ALG1: variants seen among roughly 807,000 people sequenced by gnomAD.
ALG1 encodes the protein ALG1 chitobiosyldiphosphodolichol beta-mannosyltransferase.
ALG1 carries 58 observed loss-of-function variants against 55.1 expected under a neutral mutation model. The observed-to-expected ratio is 1.05, with a 90% CI of 0.85 to 1.31. The LOEUF (loss-of-function observed/expected upper bound fraction) is 1.31, where lower values mean the gene tolerates loss of function less well. ALG1 is among the 50% of genes most tolerant of loss of function. ALG1 has a pLI of 0.00. For synonymous variants in ALG1, 309 were observed against 247.0 expected, an observed-to-expected ratio of 1.25 and a Z score of -2.35; for missense variants, 761 against 598.6, an observed-to-expected ratio of 1.27 and a Z score of -2.83.
Position 5,078,034 on chromosome 16 carries a change from C to T in ALG1, c.740+17C>T. 2.5e-6 allele frequency: 4 copies of T among 1,596,916 alleles called. No individual in the cohort carries two copies. Among genetic ancestry groups the T allele is most frequent in the South Asian group, 2.2e-5 (2 of 90,970 alleles). On this transcript the variant is annotated intron_variant, in intron 6 of 12. Transcript: ENST00000262374. ...CAGGGCCCGGTAGGCCTCCCATCCT[C>T]AGCTGCCTTCTCTCCTGCTCGCCAC...
chr16:5,080,130 C>T (rs190266602), intron 9 of ALG1, among the ~76,000 whole-genome samples: 139 of 144,586 alleles, frequency 9.6e-4, no homozygotes, highest in African/African-American at 1.6e-3. Context: ...TGCAGTGGTG[C>T]GATCTCGGCT....
chr16:5,072,086 A>T lies in ALG1; in HGVS notation c.208+29A>T, dbSNP rs543162272. On this transcript the variant is annotated intron_variant, in intron 1 of 12. Coordinates refer to ENST00000262374, the MANE Select transcript of ALG1 (RefSeq NM_019109.5). ...AGTGGCCAAGGGTCTGGGAGGGACGATGCTCTCTCAGCCGTTGATCCTCGG... is the reference window on the plus strand; with the variant it reads ...AGTGGCCAAGGGTCTGGGAGGGACGTTGCTCTCTCAGCCGTTGATCCTCGG... The T allele has an allele frequency of 3.2e-6, 5 of 1,552,852 alleles. No homozygotes were observed. In the African/African-American group the frequency reaches 6.8e-5, roughly 21 times the overall value.
rs1000237447 is a variant in ALG1, at chr16:5,085,833, T to G, written c.*952T>G. The G allele has an allele frequency of 2.2e-6, 2 of 928,560 alleles. No homozygotes were observed. Among genetic ancestry groups the G allele is most frequent in the African/African-American group, 1.6e-5 (1 of 61,098 alleles). 57.5% of individuals were successfully genotyped at this position (928,560 alleles called of 1,614,324 possible). On this transcript the variant is annotated 3_prime_UTR_variant, in exon 13 of 13. Transcript: ENST00000262374. ...GGACAGGCCTGGCGGGGTAGGGGGG[T>G]GTCCAAGTCAGTTTACTTGGTTCAC...
rs1956958456 is a variant in ALG1, at chr16:5,078,672, C to G, written c.741-85C>G. On this transcript the variant is annotated intron_variant, in intron 6 of 12. Coordinates refer to ENST00000262374, the MANE Select transcript of ALG1 (RefSeq NM_019109.5). ...GGGCACCCCAACCTCTGGGAGCCTG[C>G]AGGCCTCGCCACGGCAGGAGATGCC... The G allele has an allele frequency of 1.9e-6, 3 of 1,610,576 alleles. No homozygotes were observed. In the African/African-American group the frequency reaches 4.0e-5, roughly 22 times the overall value.
chr16:5,082,309 T>C (rs769340401), intron 10 of ALG1, among the ~76,000 whole-genome samples: 3 of 150,912 alleles, frequency 2.0e-5, no homozygotes, highest in Non-Finnish European at 3.0e-5. Context: ...TGAGACTCTG[T>C]CTCAAAACAA....
Position 5,072,032 on chromosome 16 carries a change from C to T in ALG1, c.183C>T (p.Phe61=). ...YHALSLAMHG[F]SVTLLGFCNS... ...CGCTGTCGTTGGCCATGCACGGCTTCTCGGTGACCCTCCTGGGGTTCTGCA... is the reference window on the plus strand; with the variant it reads ...CGCTGTCGTTGGCCATGCACGGCTTTTCGGTGACCCTCCTGGGGTTCTGCA... Residue 61 remains phenylalanine, a synonymous_variant, in exon 1 of 13, where the codon TTC becomes TTT. Transcript: ENST00000262374. The T allele has an allele frequency of 6.3e-7, 1 of 1,591,824 alleles. No individual in the cohort carries two copies. The highest frequency in any genetic ancestry group is 8.6e-7 in the Non-Finnish European group (1 of 1,168,842).
At chr16:5,075,899 C>G (rs1956904205) in intron 4 of ALG1, among the ~76,000 whole-genome samples, 1 of 152,188 alleles carries the variant, frequency 6.6e-6, no homozygotes, top group African/African-American at 2.4e-5. Context: ...CTGATTGGCT[C>G]ATGTAGGTTA....
rs747820425 is a variant in ALG1 at position 5,075,390 on chromosome 16, C to T, written c.393C>T (p.Asn131=). The change falls in exon 4 of 13, where the codon AAC becomes AAT. Residue 131 remains asparagine (N), a splice_region_variant and synonymous_variant. Transcript: ENST00000262374. ...CTTCAAGTCTCTATCTTTCCTAGAA[C>T]CCCCCAGGTCTGCCTAGCATTGCTG... ...REPGAYIFLQ[N]PPGLPSIAVC... is the part of the protein sequence containing the mutation. The T allele has an allele frequency of 3.7e-6, 6 of 1,612,452 alleles. No homozygotes were observed. Among genetic ancestry groups the T allele is most frequent in the Admixed American group, 1.7e-5 (1 of 59,972 alleles).
chr16:5,073,409 A>G lies in ALG1; in HGVS notation c.390+153A>G, dbSNP rs1956854268. On this transcript the variant is annotated intron_variant, in intron 3 of 12. Coordinates refer to ENST00000262374, the MANE Select transcript of ALG1 (RefSeq NM_019109.5). ...AGGAGCCTATGGTATGTGTCTATTT[A>G]TGGCACCTATCCATGCTCTCTGTGT... 2.1e-5 allele frequency: 15 copies of G among 699,152 alleles called. 1 individual carries two copies. The South Asian group carries it at 2.4e-4, about 11-fold the overall frequency. The allele number at this position is 699,152 out of a possible 1,614,324, so 43.3% of individuals were successfully genotyped here.
intron 3 of ALG1, among the ~76,000 whole-genome samples, chr16:5,074,850 T>G (rs1956880317): frequency 6.6e-6 from 1 of 152,220 alleles, no homozygotes; most frequent in African/African-American, 2.4e-5. Context: ...TTTTGCCTCC[T>G]TGATTATTGA....
rs755459932 is a variant in ALG1 at position 5,072,925 on chromosome 16, T to C, written c.209-26T>C. ...ACTTTAGATTGCTGCTTCTGGTACA[T>C]TAAAGGGATCATTCTCATTTTTCAG... On this transcript the variant is annotated intron_variant, in intron 1 of 12. Transcript: ENST00000262374. The C allele has an allele frequency of 3.1e-6, 5 of 1,603,158 alleles. No homozygotes were observed. In the South Asian group the frequency reaches 5.5e-5, roughly 18 times the overall value.
At position 5,084,365 on chromosome 16, in the gene ALG1, G is replaced by A. The variant is rs1215699199; in HGVS notation, c.1264-385G>A. 9 of 406,910 alleles carry A rather than the reference G, an allele frequency of 2.2e-5. No homozygotes were observed. In the East Asian group the frequency reaches 4.3e-4, roughly 19 times the overall value. The allele number at this position is 406,910 out of a possible 1,614,324, so 25.2% of individuals were successfully genotyped here. On this transcript the variant is annotated intron_variant, in intron 12 of 12. Coordinates refer to ENST00000262374, the MANE Select transcript of ALG1 (RefSeq NM_019109.5). Reference sequence around the variant, plus strand: ...GTGGGCTGGATTTGGCCTGCAGGCTGTAGTTTGTGATCCTTGATTCAGACA... The same window carrying A: ...GTGGGCTGGATTTGGCCTGCAGGCTATAGTTTGTGATCCTTGATTCAGACA...
In ALG1 at chr16:5,079,090, G is replaced by T. The variant is rs2142716887; in HGVS notation, c.889G>T (p.Ala297Ser). The change falls in exon 8 of 13, where the codon GCA becomes TCA. Residue 297 changes from alanine (A) to serine (S), a missense_variant. Transcript: ENST00000262374. ...TEDEDFSILLAALEKFEQLTL... is the reference protein window; with the variant it reads ...TEDEDFSILLSALEKFEQLTL... ...GGACGAAGACTTCTCCATCCTGCTGGCAGCTTTAGAAAGTAGGTGTGTGGC... is the reference window on the plus strand; with the variant it reads ...GGACGAAGACTTCTCCATCCTGCTGTCAGCTTTAGAAAGTAGGTGTGTGGC... The T allele has an allele frequency of 6.3e-7, 1 of 1,597,776 alleles. No homozygotes were observed. Among genetic ancestry groups the T allele is most frequent in the Non-Finnish European group, 8.5e-7 (1 of 1,179,640 alleles).
At chr16:5,083,650 C>T (rs757758531) in intron 11 of ALG1, 32 bp from the exon 12 acceptor site, 2 of 1,600,564 alleles carry the variant, frequency 1.2e-6, no homozygotes, top group South Asian at 1.1e-5. Flanking sequence ...CTTCTACAGG[C>T]AGCTCTCAGG....
chr16:5,078,637 T>C, intron 6 of ALG1, 120 bp from the exon 7 acceptor site: 1 of 1,576,556 alleles, frequency 6.3e-7, no homozygotes, highest in Non-Finnish European at 8.7e-7. Context: ...CTGGTGCTGC[T>C]GATGTGGCTG....
At chr16:5,081,097 A>AC in intron 10 of ALG1, 41 bp downstream of exon 10, 3 of 857,782 alleles carry the variant, frequency 3.5e-6, no homozygotes, top group Non-Finnish European at 5.3e-6. Flanking sequence ...GGCGGGGGGA[A>AC]CAGGGTGGGC....
intron 1 of ALG1, chr16:5,072,392 T>C: frequency 1.6e-6 from 1 of 634,314 alleles, no homozygotes; most frequent in Non-Finnish European, 2.5e-6. Context: ...ATGTCTGAGC[T>C]GACAGGATAT....
chr16:5,073,129 T>C (rs1256405015), intron 2 of ALG1, 24 bp from the exon 3 acceptor site: 1 of 1,613,424 alleles, frequency 6.2e-7, no homozygotes, highest in Non-Finnish European at 8.5e-7. Flanking sequence ...CCTTTGGTAG[T>C]CACAGGTGTT....
intron 4 of ALG1, among the ~76,000 whole-genome samples, chr16:5,076,270 T>C (rs972316685): frequency 6.6e-5 from 10 of 152,260 alleles, no homozygotes; most frequent in African/African-American, 2.4e-4. Flanking sequence ...GGCCATTGGC[T>C]GGCTGTGGCC....
Sources: allele counts gnomAD v4.1 joint callset (sites outside exome capture counted in the v4.1 genomes callset), GRCh38; gene constraint gnomAD v4.1.1; transcripts MANE v1.5; gene names NCBI Gene and HGNC (gene_info 2026-07-23, HGNC 2026-07-21).